The following PFKFB3 variants were observed in gnomAD, a reference collection of about 807,000 sequenced individuals.
PFKFB3 encodes the protein 6-phosphofructo-2-kinase/fructose-2,6-bisphosphatase 3.
Under a neutral mutation model 68.0 loss-of-function variants are expected in PFKFB3, and 33 were observed. The ratio of observed to expected loss-of-function variants is 0.49; its 90% CI spans 0.37 to 0.65. The LOEUF is 0.65. Among genes scored for constraint, PFKFB3 ranks in the 30% least tolerant of loss-of-function variants. The probability of loss-of-function intolerance (pLI) is 0.00; values close to 1 mark genes in which losing one functional copy is unlikely to be tolerated. For missense variants in PFKFB3, 586 were observed against 712.2 expected, an observed-to-expected ratio of 0.82 and a Z score of 2.02; for synonymous variants, 315 against 288.2, an observed-to-expected ratio of 1.09 and a Z score of -0.94.
At chr10:6,163,177 T>C (rs1842015634) in intron 1 of PFKFB3, among the ~76,000 whole-genome samples, 1 of 152,174 alleles carries the variant, frequency 6.6e-6, no homozygotes, top group Non-Finnish European at 1.5e-5. Context: ...CCATGTGTGA[T>C]GACACCGAGT....
chr10:6,276,298 G>A, the PFKFB3 span, among the ~76,000 whole-genome samples: 2 of 151,780 alleles, frequency 1.3e-5, no homozygotes, highest in African/African-American at 2.4e-5. Context: ...TTATTTATAT[G>A]TATGTGTCAT....
intron 14 of PFKFB3, among the ~76,000 whole-genome samples, chr10:6,227,465 G>C (rs1440224131): frequency 2.0e-5 from 3 of 152,186 alleles, no homozygotes; most frequent in Admixed American, 6.5e-5. Context: ...ATGATGTCTG[G>C]AATGTGACCT....
intron 1 of PFKFB3, among the ~76,000 whole-genome samples, chr10:6,207,014 C>G (rs1843815953): frequency 6.6e-6 from 1 of 150,926 alleles, no homozygotes; most frequent in South Asian, 2.1e-4. Flanking sequence ...GGCAGAGACG[C>G]TCCTCACTTC....
At chr10:6,282,648 T>G in the PFKFB3 span, among the ~76,000 whole-genome samples, 2 of 152,158 alleles carry the variant, frequency 1.3e-5, no homozygotes, top group East Asian at 3.8e-4. Context: ...TAAAAGCTCC[T>G]TGAAACTCAT....
upstream of PFKFB3, among the ~76,000 whole-genome samples, chr10:6,201,553 G>A (rs1438679203): frequency 1.3e-5 from 2 of 151,414 alleles, no homozygotes; most frequent in African/African-American, 4.8e-5. This position sits in a 1 kb window ranked among gnomAD's most constrained non-coding sequence, Gnocchi z 4.1. Context: ...GGGTCGGGAG[G>A]AGTGGAGGCC....
chr10:6,284,789 C>T, the PFKFB3 span, among the ~76,000 whole-genome samples: 1 of 152,162 alleles, frequency 6.6e-6, no homozygotes, highest in Non-Finnish European at 1.5e-5. Flanking sequence ...CATTCTTTCC[C>T]TATAAATTTC....
chr10:6,161,595 TAC>T (rs1554840769), intron 1 of PFKFB3, among the ~76,000 whole-genome samples: 36 of 149,666 alleles, frequency 2.4e-4, no homozygotes, highest in African/African-American at 8.5e-4. Context: ...CATATATATA[TAC>T]ACACACACAT....
the PFKFB3 span, among the ~76,000 whole-genome samples, chr10:6,290,402 T>C: frequency 6.6e-6 from 1 of 151,964 alleles, no homozygotes; most frequent in African/African-American, 2.4e-5. Flanking sequence ...TTATTGAGAG[T>C]TTTTAGCATG....
intron 1 of PFKFB3, among the ~76,000 whole-genome samples, chr10:6,179,583 G>A (rs1167831630): frequency 1.3e-5 from 2 of 152,152 alleles, no homozygotes; most frequent in Non-Finnish European, 2.9e-5. Flanking sequence ...GCTGTCCATG[G>A]GGGTCGTCGA....
At chr10:6,304,636 C>T in the PFKFB3 span, among the ~76,000 whole-genome samples, 2 of 151,170 alleles carry the variant, frequency 1.3e-5, no homozygotes, top group Non-Finnish European at 1.5e-5. Flanking sequence ...GCTGGGATTA[C>T]AGGCATAAGC....
intron 2 of PFKFB3, 47 bp downstream of exon 2, chr10:6,213,795 A>C (rs1844388594): frequency 6.3e-7 from 1 of 1,590,892 alleles, no homozygotes; most frequent in Admixed American, 1.7e-5. Context: ...CAAAAACTTG[A>C]CCTTCCATCT....
the PFKFB3 span, among the ~76,000 whole-genome samples, chr10:6,266,699 T>C: frequency 2.6e-5 from 4 of 152,244 alleles, no homozygotes; most frequent in Admixed American, 6.5e-5. Flanking sequence ...ATGTTCTTCT[T>C]TCACCCAGGA....
At chr10:6,196,094 G>A (rs941822556) in intron 1 of PFKFB3, among the ~76,000 whole-genome samples, 1 of 151,274 alleles carries the variant, frequency 6.6e-6, no homozygotes, top group Admixed American at 6.6e-5. Flanking sequence ...ACATGAGACA[G>A]CACGGGCAGC....
chr10:6,233,195 T>C lies in PFKFB3; in HGVS notation c.*253T>C, dbSNP rs1484000066. The stretch of plus-strand genomic sequence containing the variant: ...CCCCACCTCCACTCTCTGGGTTTCC[T>C]AGGAATGTCCAGCCTCGGAGACCTT... On this transcript the variant is annotated 3_prime_UTR_variant, in exon 15 of 15. Coordinates refer to ENST00000379775, the MANE Select transcript of PFKFB3 (RefSeq NM_004566.4). The C allele has an allele frequency of 1.0e-5, 5 of 493,196 alleles. No individual in the cohort carries two copies. The South Asian group carries it at 1.1e-4, about 11-fold the overall frequency. 30.6% of individuals were successfully genotyped at this position (493,196 alleles called of 1,614,324 possible). A position where few individuals can be genotyped will look rare whatever the true frequency, so the allele number is the denominator to read the frequency against.
the PFKFB3 span, among the ~76,000 whole-genome samples, chr10:6,284,233 C>T: frequency 1.3e-5 from 2 of 152,190 alleles, no homozygotes; most frequent in East Asian, 3.8e-4. Context: ...CCACTGTGTT[C>T]TTACTGATTT....
At chr10:6,247,976 A>G (rs1846295338) in intron 14 of PFKFB3, among the ~76,000 whole-genome samples, 1 of 152,228 alleles carries the variant, frequency 6.6e-6, no homozygotes, top group Non-Finnish European at 1.5e-5. Context: ...GCCCCAGATC[A>G]CACAGGTCAC....
At chr10:6,157,068 G>C (rs903466173) in intron 1 of PFKFB3, among the ~76,000 whole-genome samples, 1 of 150,564 alleles carries the variant, frequency 6.6e-6, no homozygotes, top group African/African-American at 2.4e-5. Flanking sequence ...CTCCAGCCTG[G>C]GCCACAGAGC....
intron 1 of PFKFB3, among the ~76,000 whole-genome samples, chr10:6,211,987 G>A (rs570890947): frequency 6.6e-6 from 1 of 152,214 alleles, no homozygotes; most frequent in African/African-American, 2.4e-5. Context: ...CTTCTTTCCT[G>A]AGCTGCGGCC....
chr10:6,196,658 T>A (rs1843184119), intron 1 of PFKFB3, among the ~76,000 whole-genome samples: 1 of 152,080 alleles, frequency 6.6e-6, no homozygotes, highest in Non-Finnish European at 1.5e-5. Context: ...TCTGCCTGCT[T>A]TTGTTCGGGC....
Sources: gnomAD v4.1 joint callset for allele counts (sites outside exome capture counted in the v4.1 genomes callset) on GRCh38, gnomAD v4.1.1 for gene constraint, Gnocchi (gnomAD v3.1) non-coding constraint, MANE v1.5 for transcripts, NCBI Gene and HGNC (gene_info 2026-07-23, HGNC 2026-07-21) for gene names.